Variants in BRINP1 observed in about 807,000 individuals in gnomAD.
BRINP1 encodes BMP/retinoic acid inducible neural specific 1, also known as BMP/retinoic acid-inducible neural-specific protein 1.
A neutral mutation model predicts 72.9 loss-of-function variants in BRINP1; 17 were observed. That is an observed-to-expected ratio of 0.23 (90% CI 0.16 to 0.35). The LOEUF is 0.35. Among genes scored for constraint, BRINP1 ranks in the 10% least tolerant of loss-of-function variants. BRINP1 has a pLI of 1.00. For missense variants in BRINP1, 850 were observed against 1,001.6 expected, an observed-to-expected ratio of 0.85 and a Z score of 2.04; for synonymous variants, 418 against 378.5, an observed-to-expected ratio of 1.10 and a Z score of -1.21.
chr9:119,237,576 A>T (rs557479081), intron 5 of BRINP1, among the ~76,000 whole-genome samples: 44 of 151,824 alleles, frequency 2.9e-4, no homozygotes, highest in African/African-American at 1.1e-3. Context: ...GTTAGCCAGG[A>T]TGGTCTCAAT....
At chr9:119,303,495 T>A (rs1280573804) in intron 2 of BRINP1, among the ~76,000 whole-genome samples, 2 of 152,134 alleles carry the variant, frequency 1.3e-5, no homozygotes, top group Non-Finnish European at 1.5e-5. Context: ...GGCTGATTAA[T>A]AAATTAGACT....
intron 6 of BRINP1, among the ~76,000 whole-genome samples, chr9:119,212,161 C>T (rs1829935414): frequency 6.6e-6 from 1 of 152,116 alleles, no homozygotes; most frequent in African/African-American, 2.4e-5. Flanking sequence ...TAATGGGTGT[C>T]GTTATAAGAC....
chr9:119,273,492 G>A (rs1830626764), intron 2 of BRINP1, among the ~76,000 whole-genome samples: 1 of 152,166 alleles, frequency 6.6e-6, no homozygotes, highest in Admixed American at 6.5e-5. Flanking sequence ...TGGGAGCAAC[G>A]TGAGCAAGGC....
intron 1 of BRINP1, among the ~76,000 whole-genome samples, chr9:119,342,632 G>A (rs933372535): frequency 6.6e-6 from 1 of 152,212 alleles, no homozygotes; most frequent in African/African-American, 2.4e-5. Context: ...CAGACCTCTA[G>A]ACACCGTATG....
At chr9:119,313,064 T>C in intron 2 of BRINP1, 74 bp downstream of exon 2, 2 of 1,506,014 alleles carry the variant, frequency 1.3e-6, no homozygotes, top group African/African-American at 2.8e-5. Flanking sequence ...ACAGCAAGGT[T>C]TGCACCAATC....
intron 7 of BRINP1, among the ~76,000 whole-genome samples, chr9:119,186,535 AG>A (rs912429866): frequency 4.6e-5 from 7 of 152,132 alleles, no homozygotes; most frequent in Non-Finnish European, 1.0e-4. Context: ...TTGCACACTT[AG>A]CACCTGAACC....
In BRINP1 at chr9:119,258,571, C is replaced by T. The variant is rs551775285; in HGVS notation, c.219-9421G>A. Among the ~76,000 whole-genome samples, 3 of 152,294 alleles carry T rather than the reference C, an allele frequency of 2.0e-5. No individual in the cohort carries two copies. The South Asian group carries it at 6.2e-4, about 32-fold the overall frequency. ...AATATCAGGATAGAGGGACTTTAGG[C>T]ACTCACGGCCATCACTGTCATTTCA... On this transcript the variant is annotated intron_variant, in intron 2 of 7. Transcript: ENST00000265922.
Position 119,262,179 on chromosome 9 carries a change from A to G in BRINP1, c.219-13029T>C, listed in dbSNP as rs548594060. Among the ~76,000 whole-genome samples, 211 of 152,314 alleles carry G rather than the reference A, an allele frequency of 1.4e-3. 1 individual carries two copies. Among genetic ancestry groups the G allele is most frequent in the African/African-American group, 4.8e-3 (199 of 41,566 alleles). Reference sequence around the variant, plus strand: ...CTCTATGACACTATGTGCATGCCACATGTGGTTTAGGATTGCTTTCAACCC... The same window carrying G: ...CTCTATGACACTATGTGCATGCCACGTGTGGTTTAGGATTGCTTTCAACCC... On this transcript the variant is annotated intron_variant, in intron 2 of 7. Transcript: ENST00000265922.
At chr9:119,355,773 T>C (rs1312780633) in intron 1 of BRINP1, among the ~76,000 whole-genome samples, 21 of 151,846 alleles carry the variant, frequency 1.4e-4, no homozygotes, top group Admixed American at 1.4e-3. Flanking sequence ...TCCCACCTTC[T>C]AATGTACAAA....
intron 7 of BRINP1, among the ~76,000 whole-genome samples, chr9:119,191,322 A>C (rs921353855): frequency 6.6e-6 from 1 of 151,822 alleles, no homozygotes; most frequent in Non-Finnish European, 1.5e-5. Context: ...AAGCATCCAA[A>C]TCAGAAAGGA....
chr9:119,167,083 G>C lies in BRINP1; in HGVS notation c.*1C>G. The C allele has an allele frequency of 1.3e-6, 2 of 1,594,102 alleles. No homozygotes were observed. The highest frequency in any genetic ancestry group is 1.7e-6 in the Non-Finnish European group (2 of 1,167,446). ...AAAAGTCCATGGCAAGGAGTCCCGG[G>C]TTAGCAGAGTTTGGCTGTCATCTGG... On this transcript the variant is annotated 3_prime_UTR_variant, in exon 8 of 8. Coordinates refer to ENST00000265922, the MANE Select transcript of BRINP1 (RefSeq NM_014618.3). This position sits in a 1 kb window ranked among gnomAD's most constrained non-coding sequence, Gnocchi z 4.3.
intron 1 of BRINP1, among the ~76,000 whole-genome samples, chr9:119,363,716 G>T (rs1448383136): frequency 6.6e-6 from 1 of 152,212 alleles, no homozygotes; most frequent in Middle Eastern, 3.4e-3. Context: ...CATTTCTAAA[G>T]CCCAGACCTG....
Position 119,249,288 on chromosome 9 carries a change from G to C in BRINP1, c.219-138C>G, listed in dbSNP as rs752206731. On this transcript the variant is annotated intron_variant, in intron 2 of 7. Transcript: ENST00000265922. ...TTTAATATGTGTCAAGTGATGCTTTGATCTGGAGCTTCCAATCATCTGCAA... is the reference window on the plus strand; with the variant it reads ...TTTAATATGTGTCAAGTGATGCTTTCATCTGGAGCTTCCAATCATCTGCAA... 7.8e-5 allele frequency: 57 copies of C among 727,118 alleles called. 1 individual carries two copies. Among genetic ancestry groups the C allele is most frequent in the Non-Finnish European group, 1.1e-5 (5 of 459,440 alleles). The allele number at this position is 727,118 out of a possible 1,614,324, so 45.0% of individuals were successfully genotyped here.
chr9:119,276,199 C>A (rs894087370), intron 2 of BRINP1, among the ~76,000 whole-genome samples: 4 of 152,108 alleles, frequency 2.6e-5, no homozygotes, highest in Non-Finnish European at 4.4e-5. Context: ...TTTAATACAT[C>A]CAAAACAAGG....
chr9:119,168,104 G>A lies in BRINP1; in HGVS notation c.1266C>T (p.Cys422=). 1 of 1,608,824 alleles carries A rather than the reference G, an allele frequency of 6.2e-7. No homozygotes were observed. Among genetic ancestry groups the A allele is most frequent in the Non-Finnish European group, 8.5e-7 (1 of 1,176,918 alleles). ...SCVCHGSTTL[C]QRPIPCVIGG... ...CTATCACGCAGGGGATGGGGCGCTG[G>A]CACAGCGTGGTGCTGCCGTGGCACA... Residue 422 remains cysteine (C), a synonymous_variant, in exon 8 of 8, where the codon TGC becomes TGT. Transcript: ENST00000265922.
chr9:119,333,462 C>CAAAAAAAAAAAAAAAAAAAAAAAAAAA (rs544546221), intron 1 of BRINP1, among the ~76,000 whole-genome samples: 1 of 67,958 alleles, frequency 1.5e-5, no homozygotes. Flanking sequence ...GACCTTGTTT[C>CAAAAAAAAAAAAAAAAAAAAAAAAAAA]AAAAAAAAAA....
At chr9:119,176,095 G>A (rs143066782) in intron 7 of BRINP1, among the ~76,000 whole-genome samples, 18 of 152,258 alleles carry the variant, frequency 1.2e-4, no homozygotes, top group African/African-American at 3.1e-4. Context: ...CAATAAAAGC[G>A]GTTGTTATTC....
chr9:119,341,027 C>A (rs571687850), intron 1 of BRINP1, among the ~76,000 whole-genome samples: 1 of 152,306 alleles, frequency 6.6e-6, no homozygotes, highest in East Asian at 1.9e-4. Context: ...GATAGCCAAG[C>A]ACAGCAACGG....
intron 1 of BRINP1, among the ~76,000 whole-genome samples, chr9:119,315,294 G>T (rs544588401): frequency 1.3e-5 from 2 of 151,610 alleles, no homozygotes; most frequent in South Asian, 2.1e-4. Flanking sequence ...TTTGTGTCTT[G>T]GTGTCACATT....
Sources: allele counts gnomAD v4.1 joint callset (sites outside exome capture counted in the v4.1 genomes callset), GRCh38; gene constraint gnomAD v4.1.1; non-coding constraint Gnocchi (gnomAD v3.1); transcripts MANE v1.5; gene names NCBI Gene and HGNC (gene_info 2026-07-23, HGNC 2026-07-21).